The following PLXDC1 variants were observed in gnomAD, a reference collection of about 807,000 sequenced individuals.
PLXDC1 encodes the protein plexin domain-containing protein 1.
PLXDC1 carries 39 observed loss-of-function variants against 61.3 expected under a neutral mutation model. That is an observed-to-expected ratio of 0.64 (90% CI 0.49 to 0.83). The LOEUF is 0.83. Among genes scored for constraint, PLXDC1 ranks in the 40% least tolerant of loss-of-function variants. The pLI is 0.00. For synonymous variants in PLXDC1, 212 were observed against 254.5 expected (o/e 0.83, Z 1.59); for missense variants, 596 against 666.5 (o/e 0.89, Z 1.17).
At chr17:39,100,573 C>T (rs191925066) in intron 7 of PLXDC1, among the ~76,000 whole-genome samples, 8 of 152,196 alleles carry the variant, frequency 5.3e-5, no homozygotes, top group African/African-American at 1.9e-4. Flanking sequence ...ACACTTCAGT[C>T]GCAGCCTGTG....
At position 39,151,541 on chromosome 17, in the gene PLXDC1, GGGGC is replaced by G; in HGVS notation, c.-108_-105del. 1 of 1,214,378 alleles carries G rather than the reference GGGGC, an allele frequency of 8.2e-7. No individual in the cohort carries two copies. 75.2% of individuals were successfully genotyped at this position (1,214,378 alleles called of 1,614,324 possible). A position where few individuals can be genotyped will look rare whatever the true frequency, so the allele number is the denominator to read the frequency against. Reference sequence around the variant, plus strand: ...CCGCGCGGTCCCCGGGGCTGGCGGAGGGGCGGGCGGCGAGGAGACGGCGGAGCGC... The same window carrying G: ...CCGCGCGGTCCCCGGGGCTGGCGGAGGGGCGGCGAGGAGACGGCGGAGCGC... On this transcript the variant is annotated 5_prime_UTR_variant, in exon 1 of 14. Coordinates refer to ENST00000315392, the MANE Select transcript of PLXDC1 (RefSeq NM_020405.5). The surrounding 1 kb of genome is among the most constrained non-coding windows in gnomAD (Gnocchi z 5.2).
chr17:39,088,962 AAAGAG>A (rs1358995240), intron 7 of PLXDC1, among the ~76,000 whole-genome samples: 2 of 129,886 alleles, frequency 1.5e-5, no homozygotes, highest in East Asian at 2.3e-4. Flanking sequence ...AAAAAAAAAA[AAAGAG>A]AGAGAGAGAA....
At chr17:39,127,757 C>T (rs957211836) in intron 2 of PLXDC1, among the ~76,000 whole-genome samples, 8 of 151,756 alleles carry the variant, frequency 5.3e-5, no homozygotes, top group African/African-American at 1.9e-4. Context: ...AGATTGAGAC[C>T]ATCCTGGCTA....
intron 2 of PLXDC1, among the ~76,000 whole-genome samples, chr17:39,110,216 G>A (rs1910750416): frequency 6.6e-6 from 1 of 152,086 alleles, no homozygotes; most frequent in South Asian, 2.1e-4. Flanking sequence ...TCTGGAATGG[G>A]ACTTATATAA....
At chr17:39,072,565 A>G (rs1909165467) in intron 11 of PLXDC1, 80 bp from the exon 12 acceptor site, 1 of 917,436 alleles carries the variant, frequency 1.1e-6, no homozygotes, top group South Asian at 1.4e-5. Context: ...ATGGGATGAA[A>G]GTTCAGCCCA....
At chr17:39,128,113 A>ACATATATATATG (rs1217496368) in intron 2 of PLXDC1, among the ~76,000 whole-genome samples, 8 of 95,698 alleles carry the variant, frequency 8.4e-5, no homozygotes, top group Non-Finnish European at 1.5e-4. Flanking sequence ...ATATATATAT[A>ACATATATATATG]TGTATATATA....
At chr17:39,097,257 G>A (rs559091849) in intron 7 of PLXDC1, among the ~76,000 whole-genome samples, 2 of 152,258 alleles carry the variant, frequency 1.3e-5, no homozygotes, top group African/African-American at 2.4e-5. Flanking sequence ...GGACAGTGAC[G>A]CCACCCATTC....
At chr17:39,110,802 G>A (rs1026493989) in intron 2 of PLXDC1, among the ~76,000 whole-genome samples, 3 of 152,334 alleles carry the variant, frequency 2.0e-5, no homozygotes, top group African/African-American at 7.2e-5. Flanking sequence ...CTGCTCTTAC[G>A]ATAAGCGACA....
At position 39,066,622 on chromosome 17, in the gene PLXDC1, GTCACC is replaced by G. The variant is rs1257193629; in HGVS notation, c.*1213_*1217del. On this transcript the variant is annotated 3_prime_UTR_variant, in exon 14 of 14. Coordinates refer to ENST00000315392, the MANE Select transcript of PLXDC1 (RefSeq NM_020405.5). ...TTTTTTTGAGACGGAGTCTCGCTCT[GTCACC>G]CAGGCTGGAGTGCAGTGGCACTATC... is the stretch of plus-strand genomic sequence containing the variant. 20 of 151,508 alleles carry G rather than the reference GTCACC, an allele frequency of 1.3e-4. No individual in the cohort carries two copies. Among genetic ancestry groups the G allele is most frequent in the Admixed American group, 9.2e-4 (14 of 15,196 alleles). 9.4% of individuals were successfully genotyped at this position (151,508 alleles called of 1,614,324 possible). A position where few individuals can be genotyped will look rare whatever the true frequency, so the allele number is the denominator to read the frequency against.
In PLXDC1 at chr17:39,129,651, GAGAGAGAA is replaced by G. The variant is rs749036606; in HGVS notation, c.255+9995_255+10002del. ...AAGAAAAGAAAGAAAGAGAGAGAGA[GAGAGAGAA>G]AGAAAGAAAGAGAGAGAGAGGGAGA... On this transcript the variant is annotated intron_variant, in intron 2 of 13. Coordinates refer to ENST00000315392, the MANE Select transcript of PLXDC1 (RefSeq NM_020405.5). 4.5e-3 allele frequency among the ~76,000 whole-genome samples: 509 copies of G among 112,860 alleles called. 6 individuals are homozygous for G. The highest frequency in any genetic ancestry group is 0.015 in the African/African-American group (473 of 31,322). 74.0% of individuals were successfully genotyped at this position (112,860 alleles called of 152,430 possible).
intron 2 of PLXDC1, among the ~76,000 whole-genome samples, chr17:39,127,312 A>G (rs1911340201): frequency 6.6e-6 from 1 of 152,128 alleles, no homozygotes; most frequent in Non-Finnish European, 1.5e-5. Context: ...AGGAATTTCC[A>G]GGATGCCAGA....
intron 2 of PLXDC1, among the ~76,000 whole-genome samples, chr17:39,119,180 C>G (rs1911081804): frequency 6.6e-6 from 1 of 152,160 alleles, no homozygotes; most frequent in South Asian, 2.1e-4. Flanking sequence ...TAATCCTTCT[C>G]TGTGGGACAG....
At chr17:39,139,928 T>C in intron 1 of PLXDC1, 96 bp from the exon 2 acceptor site, 1 of 1,207,712 alleles carries the variant, frequency 8.3e-7, no homozygotes, top group East Asian at 2.5e-5. Flanking sequence ...CCCAACACCA[T>C]GCCACTGTAG....
chr17:39,088,943 G>GAAAAA (rs56714275), intron 7 of PLXDC1, among the ~76,000 whole-genome samples: 63 of 63,896 alleles, frequency 9.9e-4, no homozygotes, highest in Non-Finnish European at 1.1e-3. Context: ...GAGCAAGACT[G>GAAAAA]AAAAAAAAAA....
intron 7 of PLXDC1, chr17:39,096,866 A>C (rs372104303): frequency 1.7e-5 from 8 of 467,278 alleles, no homozygotes; most frequent in South Asian, 1.2e-4. Context: ...CCAGCCACAT[A>C]GCGGATACAC....
At chr17:39,093,408 T>C (rs1910026840) in intron 7 of PLXDC1, among the ~76,000 whole-genome samples, 1 of 152,114 alleles carries the variant, frequency 6.6e-6, no homozygotes, top group Middle Eastern at 3.2e-3. Flanking sequence ...AGTTGTTTAT[T>C]TAAAAATAAA....
intron 2 of PLXDC1, among the ~76,000 whole-genome samples, chr17:39,115,329 C>T (rs1910932952): frequency 6.6e-6 from 1 of 152,264 alleles, no homozygotes; most frequent in South Asian, 2.1e-4. Context: ...AGCCTCGAAG[C>T]CTAACGATGC....
chr17:39,123,045 T>C (rs539734299), intron 2 of PLXDC1, among the ~76,000 whole-genome samples: 1 of 152,140 alleles, frequency 6.6e-6, no homozygotes, highest in Non-Finnish European at 1.5e-5. Flanking sequence ...GGAGCACAAT[T>C]CGAAAACCAT....
Position 39,109,254 on chromosome 17 carries a change from C to G in PLXDC1, c.393G>C (p.Gln131His), listed in dbSNP as rs1186887881. Residue 131 changes from glutamine (Q) to histidine (H), a missense_variant, in exon 3 of 14, where the codon CAG (glutamine) becomes CAC (histidine). Physicochemically the swap from Gln to His is conservative, Grantham distance 24. Transcript: ENST00000315392. The part of the protein sequence containing the change: ...IHTILSNTHR[Q>H]ASRVVLSFDF... ...TGGCGACTGGGGCACTCACCGAAGCCTGCCGGTGGGTGTTGGAGAGTATTG... is the reference window on the plus strand; with the variant it reads ...TGGCGACTGGGGCACTCACCGAAGCGTGCCGGTGGGTGTTGGAGAGTATTG... 6.2e-7 allele frequency: 1 copy of G among 1,605,624 alleles called. No individual in the cohort carries two copies. Among genetic ancestry groups the G allele is most frequent in the Admixed American group, 1.7e-5 (1 of 58,990 alleles).
Sources: gnomAD v4.1 joint callset for allele counts (sites outside exome capture counted in the v4.1 genomes callset) on GRCh38, gnomAD v4.1.1 for gene constraint, Gnocchi (gnomAD v3.1) non-coding constraint, MANE v1.5 for transcripts, NCBI Gene and HGNC (gene_info 2026-07-23, HGNC 2026-07-21) for gene names.